The following BASP1 variants were observed in gnomAD, a reference collection of about 807,000 sequenced individuals.
BASP1 encodes the protein brain acid soluble protein 1.
A neutral mutation model predicts 2.2 loss-of-function variants in BASP1; 1 was observed. The ratio of observed to expected loss-of-function variants is 0.46; its 90% confidence interval spans 0.16 to 2.17. The LOEUF is 2.17. Ranked by LOEUF, BASP1 falls within the 30% of genes most tolerant of loss-of-function variation. The pLI is 0.27. For synonymous variants in BASP1, 187 were observed against 154.2 expected, an observed-to-expected ratio of 1.21 and a Z score of -1.58; for missense variants, 352 against 327.2, an observed-to-expected ratio of 1.08 and a Z score of -0.58.
At chr5:17,230,415 A>G (rs1285936608) in intron 1 of BASP1, among the ~76,000 whole-genome samples, 4 of 152,082 alleles carry the variant, frequency 2.6e-5, no homozygotes, top group Admixed American at 1.3e-4. Context: ...CTCCATGACT[A>G]TAGAAACCAA....
chr5:17,275,303 G>A lies in BASP1; in HGVS notation c.87G>A (p.Ala29=). ...AGAAAGACAAGAAGGCCGAGGGCGC[G>A]GCGACGGAAGAGGAGGGGACCCCGA... ...AKEKDKKAEG[A]ATEEEGTPKE... is the part of the protein sequence containing the mutation. Residue 29 remains alanine (A), a synonymous_variant, in exon 2 of 2, where the codon GCG becomes GCA. Transcript: ENST00000322611. The surrounding 1 kb of genome is among the most constrained non-coding windows in gnomAD (Gnocchi z 5.3). 6.2e-7 allele frequency: 1 copy of A among 1,613,922 alleles called. No homozygotes were observed. The highest frequency in any genetic ancestry group is 8.5e-7 in the Non-Finnish European group (1 of 1,179,944).
intron 1 of BASP1, among the ~76,000 whole-genome samples, chr5:17,242,861 A>G (rs1031071593): frequency 6.6e-6 from 1 of 151,548 alleles, no homozygotes; most frequent in African/African-American, 2.4e-5. Context: ...AAAAAAAAAA[A>G]GGTAATCGTA....
chr5:17,245,586 T>C (rs185449340), intron 1 of BASP1, among the ~76,000 whole-genome samples: 1 of 152,200 alleles, frequency 6.6e-6, no homozygotes, highest in African/African-American at 2.4e-5. Context: ...TAATATGAGA[T>C]TAATGATAAT....
At chr5:17,266,564 T>C (rs892918421) in intron 1 of BASP1, among the ~76,000 whole-genome samples, 2 of 152,198 alleles carry the variant, frequency 1.3e-5, no homozygotes, top group African/African-American at 4.8e-5. Context: ...CCCAGCACTT[T>C]AGGTGTCTGA....
intron 1 of BASP1, among the ~76,000 whole-genome samples, chr5:17,253,375 T>G (rs985692601): frequency 6.6e-6 from 1 of 152,150 alleles, no homozygotes; most frequent in African/African-American, 2.4e-5. Flanking sequence ...CATGCCCAGC[T>G]AATTCTTTGT....
At chr5:17,243,307 C>T (rs1561169874) in intron 1 of BASP1, among the ~76,000 whole-genome samples, 1 of 152,106 alleles carries the variant, frequency 6.6e-6, no homozygotes, top group Admixed American at 6.6e-5. Context: ...GTGCGTACCA[C>T]CACGTCCAGC....
chr5:17,217,095 A>AGAGAGAGAGAGAGAGAGAGT (rs1554025522), upstream of BASP1: 2 of 131,142 alleles, frequency 1.5e-5, no homozygotes, highest in Non-Finnish European at 3.2e-5. Flanking sequence ...AGAGAGAGAG[A>AGAGAGAGAGAGAGAGAGAGT]GTGAGTGAGA....
At chr5:17,218,149 C>T (rs1048601869) in intron 1 of BASP1, among the ~76,000 whole-genome samples, 1 of 151,772 alleles carries the variant, frequency 6.6e-6, no homozygotes, top group Non-Finnish European at 1.5e-5. Flanking sequence ...AATGCGAAAC[C>T]CCCTCAGTGC....
intron 1 of BASP1, among the ~76,000 whole-genome samples, chr5:17,239,243 G>A (rs373007725): frequency 1.3e-5 from 2 of 151,966 alleles, no homozygotes; most frequent in African/African-American, 2.4e-5. Flanking sequence ...ACAGGTGCCC[G>A]CCACCATATC....
chr5:17,266,101 G>T (rs930861420), intron 1 of BASP1, among the ~76,000 whole-genome samples: 14 of 152,194 alleles, frequency 9.2e-5, no homozygotes, highest in African/African-American at 3.1e-4. Context: ...TGGGCTTCCC[G>T]ATTCATTGCT....
chr5:17,248,853 T>G (rs1740045402), intron 1 of BASP1, among the ~76,000 whole-genome samples: 1 of 152,170 alleles, frequency 6.6e-6, no homozygotes, highest in Non-Finnish European at 1.5e-5. Flanking sequence ...GGTGCGCCTA[T>G]TCTAGGTCTC....
At position 17,276,285 on chromosome 5, in the gene BASP1, C is replaced by T. The variant is rs986822468; in HGVS notation, c.*385C>T. The T allele has an allele frequency of 4.6e-4, 82 of 179,134 alleles. No homozygotes were observed. Among genetic ancestry groups the T allele is most frequent in the East Asian group, 3.0e-3 (18 of 6,022 alleles). The allele number at this position is 179,134 out of a possible 1,614,324, so 11.1% of individuals were successfully genotyped here. A position where few individuals can be genotyped will look rare whatever the true frequency, so the allele number is the denominator to read the frequency against. ...CACCGCTGAGAGTTGAATAGCTTTT[C>T]TTCTGCAATGGGAGTTGGGAGTGAT... On this transcript the variant is annotated 3_prime_UTR_variant, in exon 2 of 2. Transcript: ENST00000322611.
At chr5:17,221,524 T>C (rs1739394056) in intron 1 of BASP1, among the ~76,000 whole-genome samples, 1 of 152,132 alleles carries the variant, frequency 6.6e-6, no homozygotes, top group Non-Finnish European at 1.5e-5. Context: ...CACATCTTCT[T>C]TCTCTTCTTA....
intron 1 of BASP1, among the ~76,000 whole-genome samples, chr5:17,230,505 A>G (rs1739610240): frequency 6.6e-6 from 1 of 152,162 alleles, no homozygotes; most frequent in African/African-American, 2.4e-5. Context: ...GGCATTCTCA[A>G]CAAGTGTGGG....
chr5:17,230,958 G>A (rs1183216538), intron 1 of BASP1, among the ~76,000 whole-genome samples: 2 of 152,004 alleles, frequency 1.3e-5, no homozygotes, highest in African/African-American at 2.4e-5. Flanking sequence ...GTCACATTAC[G>A]TTAACTCTGG....
chr5:17,244,489 A>C (rs1323993642), intron 1 of BASP1, among the ~76,000 whole-genome samples: 4 of 152,128 alleles, frequency 2.6e-5, no homozygotes, highest in Non-Finnish European at 4.4e-5. Context: ...GGCCAGAGGA[A>C]TCCTGGGAGT....
intron 1 of BASP1, among the ~76,000 whole-genome samples, chr5:17,229,206 C>T (rs1470644758): frequency 1.3e-5 from 2 of 152,166 alleles, no homozygotes; most frequent in African/African-American, 4.8e-5. Context: ...CCACTTAAAT[C>T]TGATTCTGAT....
intron 1 of BASP1, among the ~76,000 whole-genome samples, chr5:17,255,046 A>G (rs985184063): frequency 2.0e-5 from 3 of 152,124 alleles, no homozygotes; most frequent in African/African-American, 7.2e-5. Context: ...TCCCCTCTTC[A>G]TGTTACATGA....
intron 1 of BASP1, among the ~76,000 whole-genome samples, chr5:17,228,529 C>A (rs1248538689): frequency 6.6e-6 from 1 of 152,242 alleles, no homozygotes; most frequent in African/African-American, 2.4e-5. Context: ...CAACAAGCTT[C>A]ATATCTCTCC....
Sources: gnomAD v4.1 joint callset for allele counts (sites outside exome capture counted in the v4.1 genomes callset) on GRCh38, gnomAD v4.1.1 for gene constraint, Gnocchi (gnomAD v3.1) non-coding constraint, MANE v1.5 for transcripts, NCBI Gene and HGNC (gene_info 2026-07-23, HGNC 2026-07-21) for gene names.